KAZN: variants seen among roughly 807,000 people sequenced by gnomAD.
KAZN encodes the protein kazrin.
KAZN carries 40 observed loss-of-function variants against 87.4 expected under a neutral mutation model. The observed-to-expected ratio is 0.46, with a 90% CI of 0.36 to 0.60. The LOEUF is 0.60. KAZN is among the 20% of genes least tolerant of loss of function. The probability of loss-of-function intolerance (pLI) is 0.00; values close to 1 mark genes in which losing one functional copy is unlikely to be tolerated. For synonymous variants in KAZN, 466 were observed against 458.3 expected (o/e 1.02, Z -0.22); for missense variants, 898 against 1,073.9 (o/e 0.84, Z 2.29).
Position 14,402,786 on chromosome 1 carries a change from C to T in KAZN, c.250-196197C>T, listed in dbSNP as rs977253915. On this transcript the variant is annotated intron_variant, in intron 2 of 16. Transcript: ENST00000636203. ...CTGGTGAAGAAATAGGTTAATAGAT[C>T]GATGAAGGAGAATAAAAATCTCACA... Among the ~76,000 whole-genome samples, 3 of 151,502 alleles carry T rather than the reference C, an allele frequency of 2.0e-5. No individual in the cohort carries two copies. In the East Asian group the frequency reaches 5.8e-4, roughly 29 times the overall value.
chr1:13,908,136 C>T (rs1000739705), intron 1 of KAZN, among the ~76,000 whole-genome samples: 5 of 152,210 alleles, frequency 3.3e-5, no homozygotes, highest in Admixed American at 3.3e-4. Flanking sequence ...AAACAGAATT[C>T]CTGGACTTTG....
chr1:15,093,221 C>A (rs1027907780), intron 8 of KAZN, among the ~76,000 whole-genome samples: 7 of 152,084 alleles, frequency 4.6e-5, no homozygotes, highest in Non-Finnish European at 8.8e-5. Context: ...ATCACAAATG[C>A]ACACACCTCA....
rs148183354 is a variant in KAZN at position 14,690,158 on chromosome 1, G to A, written c.226+90935G>A. ...GCTGCACATCTCATCCGGCAGACTC[G>A]CCACACTCCGCCGCGGCAGTGCTCA... On this transcript the variant is annotated intron_variant, in intron 1 of 14. Coordinates refer to ENST00000376030, the MANE Select transcript of KAZN (RefSeq NM_201628.3). 2.7e-4 allele frequency among the ~76,000 whole-genome samples: 41 copies of A among 152,236 alleles called. 2 individuals carry two copies. Among genetic ancestry groups the A allele is most frequent in the Admixed American group, 2.6e-3 (39 of 15,292 alleles).
chr1:14,028,317 T>C (rs76882888), intron 1 of KAZN, among the ~76,000 whole-genome samples: 167 of 152,298 alleles, frequency 1.1e-3, no homozygotes, highest in African/African-American at 3.9e-3. Flanking sequence ...GCGTCATGCT[T>C]TTCAAATTGG....
chr1:14,414,630 A>G (rs537897951), intron 2 of KAZN, among the ~76,000 whole-genome samples: 55 of 149,058 alleles, frequency 3.7e-4, no homozygotes, highest in African/African-American at 1.2e-3. Context: ...GTGTGTGTGT[A>G]TGTGTGTGTG....
intron 2 of KAZN, among the ~76,000 whole-genome samples, chr1:14,510,417 A>T (rs1157239982): frequency 1.3e-5 from 2 of 151,954 alleles, no homozygotes; most frequent in Non-Finnish European, 1.5e-5. Context: ...TGCAACAAAT[A>T]GGTCAGCAAC....
At chr1:13,936,096 GTT>G (rs70984301) in intron 1 of KAZN, among the ~76,000 whole-genome samples, 8 of 84,834 alleles carry the variant, frequency 9.4e-5, no homozygotes, top group Admixed American at 1.7e-4. Flanking sequence ...TACAAGTGCA[GTT>G]TTTTTTTTTT....
chr1:14,057,144 T>G (rs6673908), intron 1 of KAZN, among the ~76,000 whole-genome samples: 9,170 of 151,864 alleles, frequency 0.06, 760 homozygotes, highest in African/African-American at 0.19. Flanking sequence ...TTGTTTGTTT[T>G]TTTTTTTTGA....
intron 2 of KAZN, among the ~76,000 whole-genome samples, chr1:14,407,275 G>A (rs1663932687): frequency 6.6e-6 from 1 of 152,188 alleles, no homozygotes; most frequent in Non-Finnish European, 1.5e-5. Context: ...GACTTGCTGG[G>A]TCATAGGATA....
intron 1 of KAZN, among the ~76,000 whole-genome samples, chr1:14,097,288 A>G (rs1223877686): frequency 2.6e-5 from 4 of 152,172 alleles, no homozygotes; most frequent in African/African-American, 9.7e-5. Flanking sequence ...CTAGATAGAA[A>G]ACTATTGCAA....
At chr1:14,879,246 A>G (rs761813492) in intron 1 of KAZN, among the ~76,000 whole-genome samples, 1 of 152,194 alleles carries the variant, frequency 6.6e-6, no homozygotes, top group Non-Finnish European at 1.5e-5. Flanking sequence ...TGGAGTAAAT[A>G]GAGTAATGGG....
chr1:15,063,485 G>T, intron 6 of KAZN, 87 bp from the exon 7 acceptor site: 1 of 1,138,730 alleles, frequency 8.8e-7, no homozygotes, highest in African/African-American at 1.5e-5. Flanking sequence ...ATCCTTCCAC[G>T]GAAGGCCCCA....
At position 14,989,476 on chromosome 1, in the gene KAZN, AAAAAAAG is replaced by A. The variant is rs376106482; in HGVS notation, c.418+28614_418+28620del. ...GGGTGACACAGCAAGCCTCTGTTTC[AAAAAAAG>A]AAAAAAGAAAAAGGACTGTCACTTG... On this transcript the variant is annotated intron_variant, in intron 2 of 14. Coordinates refer to ENST00000376030, the MANE Select transcript of KAZN (RefSeq NM_201628.3). 3.3e-3 allele frequency among the ~76,000 whole-genome samples: 495 copies of A among 152,212 alleles called. 5 individuals carry two copies. Among genetic ancestry groups the A allele is most frequent in the African/African-American group, 0.011 (465 of 41,548 alleles).
chr1:14,655,621 G>T (rs7541391), intron 1 of KAZN, among the ~76,000 whole-genome samples: 14,645 of 152,220 alleles, frequency 0.096, 2,383 homozygotes, highest in African/African-American at 0.33. Flanking sequence ...TGCTGCGACA[G>T]ATATAGATTA....
intron 2 of KAZN, among the ~76,000 whole-genome samples, chr1:14,305,827 G>A (rs1019104060): frequency 1.3e-5 from 2 of 152,082 alleles, no homozygotes; most frequent in African/African-American, 4.8e-5. Context: ...TTGCTTCTAC[G>A]ATTATGGCTC....
intron 1 of KAZN, among the ~76,000 whole-genome samples, chr1:14,816,697 GATA>G (rs1453002653): frequency 1.3e-5 from 2 of 152,038 alleles, no homozygotes; most frequent in African/African-American, 4.8e-5. Context: ...GATATAAATA[GATA>G]ATGATAAATT....
chr1:14,448,505 T>G (rs1667104702), intron 2 of KAZN, among the ~76,000 whole-genome samples: 1 of 152,220 alleles, frequency 6.6e-6, no homozygotes, highest in African/African-American at 2.4e-5. Flanking sequence ...GCTGGACTCT[T>G]TCTTCCCTTT....
Position 14,195,646 on chromosome 1 carries a change from A to C in KAZN, c.249+15054A>C, listed in dbSNP as rs113206512. Among the ~76,000 whole-genome samples the C allele has an allele frequency of 4.8e-4, 73 of 152,324 alleles. 1 individual carries two copies. Among genetic ancestry groups the C allele is most frequent in the African/African-American group, 1.7e-3 (70 of 41,582 alleles). On this transcript the variant is annotated intron_variant, in intron 2 of 16. Transcript: ENST00000636203. ...ACATCTGAGAAAATAGTTAGCAGAT[A>C]AATTGGAACAGGATTTTTAAATAAG...
chr1:14,541,733 C>G (rs1329379884), intron 2 of KAZN, among the ~76,000 whole-genome samples: 1 of 152,216 alleles, frequency 6.6e-6, no homozygotes. Context: ...GTTCCAGCCC[C>G]TGAGTTATGG....
Sources: allele counts gnomAD v4.1 joint callset (sites outside exome capture counted in the v4.1 genomes callset), GRCh38; gene constraint gnomAD v4.1.1; transcripts MANE v1.5; gene names NCBI Gene and HGNC (gene_info 2026-07-23, HGNC 2026-07-21).